Variants in SLC7A9 observed in about 807,000 individuals in gnomAD.
SLC7A9 encodes the protein B(0,+)-type amino acid transporter 1.
Under a neutral mutation model 54.1 loss-of-function variants are expected in SLC7A9, and 38 were observed. The ratio of observed to expected loss-of-function variants is 0.70; its 90% CI spans 0.54 to 0.92. The LOEUF (loss-of-function observed/expected upper bound fraction) is 0.92, where lower values mean the gene tolerates loss of function less well. Among genes scored for constraint, SLC7A9 ranks in the 40% least tolerant of loss-of-function variants. SLC7A9 has a pLI of 0.00. For synonymous variants in SLC7A9, 264 were observed against 258.9 expected (o/e 1.02, Z -0.19); for missense variants, 537 against 636.1 (o/e 0.84, Z 1.68).
chr19:32,855,796 T>C (rs1012660120), intron 9 of SLC7A9, among the ~76,000 whole-genome samples: 4 of 152,144 alleles, frequency 2.6e-5, no homozygotes, highest in African/African-American at 9.7e-5. Flanking sequence ...ACAAGCACCA[T>C]CCTACAAAAT....
At chr19:32,865,856 G>A (rs1346517296) in intron 2 of SLC7A9, among the ~76,000 whole-genome samples, 1 of 151,496 alleles carries the variant, frequency 6.6e-6, no homozygotes, top group Non-Finnish European at 1.5e-5. Flanking sequence ...CCTGTTCCTA[G>A]CTACTTAGGA....
chr19:32,847,028 C>G (rs370927322), intron 9 of SLC7A9, among the ~76,000 whole-genome samples: 2 of 152,266 alleles, frequency 1.3e-5, no homozygotes, highest in East Asian at 3.9e-4. Context: ...CACCAAAAAC[C>G]CATCTGTACA....
At chr19:32,860,220 C>T (rs1968757999) in intron 7 of SLC7A9, 4 of 1,429,458 alleles carry the variant, frequency 2.8e-6, no homozygotes. Flanking sequence ...CTGCTCTGTC[C>T]CAAACCAAAC....
Position 32,864,310 on chromosome 19 carries a change from T to C in SLC7A9, c.264A>G (p.Thr88=). The part of the protein sequence containing the change: ...LGALCFAELG[T]MITKSGGEYP... Reference sequence around the variant, plus strand: ...ACTCTCCCCCTGACTTGGTGATCATTGTGCCAAGCTCCGCAAAGCACAGGG... The same window carrying C: ...ACTCTCCCCCTGACTTGGTGATCATCGTGCCAAGCTCCGCAAAGCACAGGG... Residue 88 remains threonine, a synonymous_variant, in exon 4 of 13, where the codon ACA becomes ACG. Coordinates refer to ENST00000023064, the MANE Select transcript of SLC7A9 (RefSeq NM_014270.5). The C allele has an allele frequency of 1.2e-6, 2 of 1,614,014 alleles. No homozygotes were observed. The highest frequency in any genetic ancestry group is 8.5e-7 in the Non-Finnish European group (1 of 1,180,000).
At position 32,850,649 on chromosome 19, in the gene SLC7A9, G is replaced by T. The variant is rs576613072; in HGVS notation, c.978-6698C>A. Among the ~76,000 whole-genome samples the T allele has an allele frequency of 2.7e-3, 411 of 152,184 alleles. 2 individuals are homozygous for T. The highest frequency in any genetic ancestry group is 9.6e-3 in the African/African-American group (399 of 41,528). On this transcript the variant is annotated intron_variant, in intron 9 of 12. Transcript: ENST00000023064. Reference sequence around the variant, plus strand: ...GTGCCATCCCCATCAAGCTACCAATGACTTTCTTCACAGAATTGGAAAAAA... The same window carrying T: ...GTGCCATCCCCATCAAGCTACCAATTACTTTCTTCACAGAATTGGAAAAAA...
intron 2 of SLC7A9, 60 bp from the exon 3 acceptor site, chr19:32,864,836 AG>A: frequency 2.4e-5 from 38 of 1,609,316 alleles, no homozygotes; most frequent in Non-Finnish European, 3.1e-5. Flanking sequence ...CCAGAAGGCC[AG>A]GTGCCACCCT....
intron 2 of SLC7A9, 85 bp downstream of exon 2, chr19:32,868,363 C>A: frequency 1.1e-6 from 1 of 919,654 alleles, no homozygotes; most frequent in Non-Finnish European, 1.8e-6. Context: ...CACTAGGGAT[C>A]GGCCCGGATT....
chr19:32,858,440 C>T lies in SLC7A9; in HGVS notation c.977G>A (p.Arg326Lys), dbSNP rs1968692029. 4 of 1,611,346 alleles carry T rather than the reference C, an allele frequency of 2.5e-6. No homozygotes were observed. Among genetic ancestry groups the T allele is most frequent in the Non-Finnish European group, 3.4e-6 (4 of 1,178,642 alleles). Residue 326 changes from arginine (R) to lysine (K), a missense_variant and splice_region_variant, in exon 9 of 13, where the codon AGA (arginine) becomes AAA (lysine). Coordinates refer to ENST00000023064, the MANE Select transcript of SLC7A9 (RefSeq NM_014270.5). ...AANGTCFTAG[R>K]LIYVAGREGH... ...GGGAGTGACGGTGGGGGTCCCCTAC[C>T]TGCCCGCTGTGAAGCAGGTCCCGTT... is the stretch of plus-strand genomic sequence containing the variant.
chr19:32,842,903 CCA>C (rs1968169702), intron 10 of SLC7A9, among the ~76,000 whole-genome samples: 1 of 152,124 alleles, frequency 6.6e-6, no homozygotes, highest in South Asian at 2.1e-4. Flanking sequence ...TAAGAATTTT[CCA>C]CACAGAGAGT....
intron 7 of SLC7A9, 47 bp from the exon 8 acceptor site, chr19:32,860,011 C>G: frequency 6.2e-7 from 1 of 1,613,854 alleles, no homozygotes; most frequent in Non-Finnish European, 8.5e-7. Context: ...CCACAGCCTC[C>G]CGCGGAAGAT....
chr19:32,833,338 C>T lies in SLC7A9; in HGVS notation c.1225-15G>A, dbSNP rs1272959538. On this transcript the variant is annotated splice_polypyrimidine_tract_variant and intron_variant, in intron 11 of 12. Transcript: ENST00000023064. ...ACTACGGGCACCTGGAGACGAAAAA[C>T]AGGTCATGGGTACCCATTTTCTTTT... The T allele has an allele frequency of 1.2e-6, 2 of 1,613,932 alleles. No individual in the cohort carries two copies. Among genetic ancestry groups the T allele is most frequent in the Admixed American group, 1.7e-5 (1 of 60,016 alleles).
intron 9 of SLC7A9, among the ~76,000 whole-genome samples, chr19:32,856,583 T>C (rs1305942609): frequency 6.6e-6 from 1 of 152,106 alleles, no homozygotes; most frequent in Non-Finnish European, 1.5e-5. Context: ...AACATCACAC[T>C]GTACCACATA....
At chr19:32,862,628 A>G (rs2145843150) in intron 4 of SLC7A9, 42 bp from the exon 5 acceptor site, 1 of 1,609,582 alleles carries the variant, frequency 6.2e-7, no homozygotes, top group East Asian at 2.2e-5. Flanking sequence ...GGTTTTCAGC[A>G]AAGCCCTGGA....
chr19:32,843,783 C>T (rs1018991376), intron 10 of SLC7A9, 72 bp downstream of exon 10: 7 of 1,146,142 alleles, frequency 6.1e-6, no homozygotes, highest in Admixed American at 3.5e-5. Context: ...ATTTGGAAGC[C>T]GCCGGGCTTA....
intron 7 of SLC7A9, 91 bp downstream of exon 7, chr19:32,860,515 T>C (rs1032558543): frequency 1.9e-6 from 3 of 1,600,856 alleles, no homozygotes; most frequent in Non-Finnish European, 1.7e-6. Context: ...AAGGGCATCA[T>C]GGAATACCCA....
intron 12 of SLC7A9, among the ~76,000 whole-genome samples, chr19:32,832,618 A>G (rs1218509840): frequency 6.7e-6 from 1 of 149,850 alleles, no homozygotes; most frequent in African/African-American, 2.5e-5. Context: ...AGAAAGAAAG[A>G]AAAAGAAAAA....
At chr19:32,864,373 T>C in intron 3 of SLC7A9, 35 bp from the exon 4 acceptor site, 1 of 1,612,486 alleles carries the variant, frequency 6.2e-7, no homozygotes, top group Non-Finnish European at 8.5e-7. Context: ...ACAGGCCCCT[T>C]GTGAGGCACT....
intron 8 of SLC7A9, 57 bp downstream of exon 8, chr19:32,859,784 G>A: frequency 7.0e-7 from 1 of 1,431,790 alleles, no homozygotes; most frequent in Non-Finnish European, 9.9e-7. Flanking sequence ...GCTGACACCT[G>A]CCTTACCCCT....
intron 4 of SLC7A9, among the ~76,000 whole-genome samples, chr19:32,863,813 G>C (rs148930572): frequency 6.6e-6 from 1 of 152,256 alleles, no homozygotes; most frequent in Non-Finnish European, 1.5e-5. Context: ...GTGGTAAGCA[G>C]CCTCCCGAGT....
Sources: gnomAD v4.1 joint callset for allele counts (sites outside exome capture counted in the v4.1 genomes callset) on GRCh38, gnomAD v4.1.1 for gene constraint, MANE v1.5 for transcripts, NCBI Gene and HGNC (gene_info 2026-07-23, HGNC 2026-07-21) for gene names.